Variants in B3GALT1 observed in about 807,000 individuals in gnomAD.
B3GALT1 encodes the protein UDP-Gal:betaGlcNAc beta 1,3-galactosyltransferase, polypeptide 1.
In B3GALT1, 10 loss-of-function variants were observed where a neutral mutation model predicts 23.2. That is an observed-to-expected ratio of 0.43 (90% CI 0.27 to 0.73). B3GALT1 has a LOEUF of 0.73. B3GALT1 is among the 30% of genes least tolerant of loss of function. The pLI is 0.21. For synonymous variants in B3GALT1, 156 were observed against 141.5 expected (o/e 1.10, Z -0.73); for missense variants, 299 against 405.4 (o/e 0.74, Z 2.25).
chr2:167,849,609 C>T (rs557305284), intron 4 of B3GALT1, among the ~76,000 whole-genome samples: 1 of 152,084 alleles, frequency 6.6e-6, no homozygotes, highest in Admixed American at 6.5e-5. Flanking sequence ...TAAACCTGGC[C>T]GGGCGCGGTG....
chr2:167,310,604 A>G (rs1696621438), intron 1 of B3GALT1, among the ~76,000 whole-genome samples: 3 of 151,986 alleles, frequency 2.0e-5, no homozygotes. Context: ...CCTAAGTGGG[A>G]GTAGTGGTTG....
rs897888738 is a variant in B3GALT1, at chr2:167,709,006, T to G, written c.-352+62040T>G. ...TGTAACTTTGATATTTGGGGAATTC[T>G]GTGAATTCAGGAGTCTGGAGACCTT... On this transcript the variant is annotated intron_variant, in intron 3 of 4. Coordinates refer to ENST00000392690, the MANE Select transcript of B3GALT1 (RefSeq NM_020981.4). Among the ~76,000 whole-genome samples, 9 of 152,374 alleles carry G rather than the reference T, an allele frequency of 5.9e-5. No homozygotes were observed. In the East Asian group the frequency reaches 1.7e-3, roughly 29 times the overall value.
At chr2:167,835,193 T>A (rs1273270303) in intron 4 of B3GALT1, among the ~76,000 whole-genome samples, 7 of 151,992 alleles carry the variant, frequency 4.6e-5, no homozygotes, top group Admixed American at 2.6e-4. Context: ...GGTTAGTGGG[T>A]GCAGCACACC....
chr2:167,818,628 T>A (rs1392900934), intron 3 of B3GALT1, among the ~76,000 whole-genome samples, 44 bp from the exon 4 acceptor site: 1 of 152,164 alleles, frequency 6.6e-6, no homozygotes, highest in Non-Finnish European at 1.5e-5. Context: ...CCCAATTCAT[T>A]TCCGTTATTT....
chr2:167,822,914 T>G (rs1355759989), intron 4 of B3GALT1, among the ~76,000 whole-genome samples: 1 of 152,210 alleles, frequency 6.6e-6, no homozygotes, highest in Non-Finnish European at 1.5e-5. Context: ...CAGATGTGTT[T>G]TCTCTTTTTT....
At chr2:167,432,318 G>T (rs913382798) in intron 1 of B3GALT1, among the ~76,000 whole-genome samples, 1 of 152,182 alleles carries the variant, frequency 6.6e-6, no homozygotes, top group Non-Finnish European at 1.5e-5. Context: ...GATACTGAGT[G>T]GGAGGTTTTG....
chr2:167,675,141 T>C (rs1412683020), intron 3 of B3GALT1, among the ~76,000 whole-genome samples: 1 of 152,204 alleles, frequency 6.6e-6, no homozygotes, highest in Non-Finnish European at 1.5e-5. Flanking sequence ...TGGTGTGCTT[T>C]ATCATCCTCA....
intron 1 of B3GALT1, among the ~76,000 whole-genome samples, chr2:167,352,522 A>T (rs1392168209): frequency 1.3e-5 from 2 of 149,730 alleles, no homozygotes; most frequent in Non-Finnish European, 3.0e-5. Context: ...ATCGAGACCA[A>T]CCTGGCTAAC....
At chr2:167,676,623 G>T (rs572921032) in intron 3 of B3GALT1, among the ~76,000 whole-genome samples, 5 of 151,922 alleles carry the variant, frequency 3.3e-5, no homozygotes, top group Non-Finnish European at 5.9e-5. Flanking sequence ...GTGCAGTGGC[G>T]CAATCTCAGC....
At chr2:167,715,673 C>T (rs1033095649) in intron 3 of B3GALT1, 70 of 1,613,400 alleles carry the variant, frequency 4.3e-5, no homozygotes, top group Admixed American at 2.3e-4. Context: ...CAGCTTTTCA[C>T]AGGTTGCCTC....
At chr2:167,838,198 G>C (rs1304967160) in intron 4 of B3GALT1, among the ~76,000 whole-genome samples, 2 of 151,604 alleles carry the variant, frequency 1.3e-5, no homozygotes, top group Non-Finnish European at 1.5e-5. Flanking sequence ...GAAGGAAATA[G>C]AGACACAAAA....
At chr2:167,549,813 AT>A (rs1378248024) in intron 2 of B3GALT1, among the ~76,000 whole-genome samples, 4 of 152,150 alleles carry the variant, frequency 2.6e-5, no homozygotes, top group Non-Finnish European at 5.9e-5. Flanking sequence ...ATGTAATTTT[AT>A]TTTTATTTTT....
chr2:167,843,326 A>C (rs1312886768), intron 4 of B3GALT1, among the ~76,000 whole-genome samples: 1 of 152,210 alleles, frequency 6.6e-6, no homozygotes, highest in Non-Finnish European at 1.5e-5. Flanking sequence ...ACATACCTGG[A>C]GTAGAGCTCC....
chr2:167,741,289 T>C (rs1421076076), intron 3 of B3GALT1, among the ~76,000 whole-genome samples: 1 of 152,130 alleles, frequency 6.6e-6, no homozygotes, highest in Non-Finnish European at 1.5e-5. Flanking sequence ...GTAAATTGGG[T>C]GTTTGGTTAC....
chr2:167,425,019 A>C (rs1237742102), intron 1 of B3GALT1, among the ~76,000 whole-genome samples: 1 of 152,184 alleles, frequency 6.6e-6, no homozygotes, highest in East Asian at 1.9e-4. Context: ...TACTCCTGCA[A>C]GCTACATCTT....
chr2:167,447,936 C>T (rs1450479375), intron 1 of B3GALT1, among the ~76,000 whole-genome samples: 2 of 152,150 alleles, frequency 1.3e-5, no homozygotes, highest in Non-Finnish European at 2.9e-5. Flanking sequence ...TCTTCTGCGT[C>T]GCTCATACTG....
In B3GALT1 at chr2:167,724,405, C is replaced by T. The variant is rs996894817; in HGVS notation, c.-352+77439C>T. 2.6e-5 allele frequency among the ~76,000 whole-genome samples: 4 copies of T among 152,172 alleles called. No homozygotes were observed. In the South Asian group the frequency reaches 6.2e-4, roughly 24 times the overall value. ...AACATCTACAAACTCGGAAACCAAA[C>T]GTATTTGTTCACCTTTAAGCTATTA... On this transcript the variant is annotated intron_variant, in intron 3 of 4. Transcript: ENST00000392690.
chr2:167,849,947 G>A (rs1404332642), intron 4 of B3GALT1, among the ~76,000 whole-genome samples: 2 of 147,598 alleles, frequency 1.4e-5, no homozygotes, highest in Non-Finnish European at 1.5e-5. Flanking sequence ...CAATTCTGAA[G>A]ATAACATTGG....
At chr2:167,425,491 G>A (rs183994902) in intron 1 of B3GALT1, among the ~76,000 whole-genome samples, 6 of 152,246 alleles carry the variant, frequency 3.9e-5, no homozygotes, top group Admixed American at 6.5e-5. Context: ...ATTAATAAGC[G>A]TGCAGTAATA....
Sources: allele counts gnomAD v4.1 joint callset (sites outside exome capture counted in the v4.1 genomes callset), GRCh38; gene constraint gnomAD v4.1.1; transcripts MANE v1.5; gene names NCBI Gene and HGNC (gene_info 2026-07-23, HGNC 2026-07-21).